Variants in RAB1A observed in about 807,000 individuals in gnomAD.
RAB1A encodes RAB1A, member RAS oncogene family.
In RAB1A, 2 loss-of-function variants were observed where a neutral mutation model predicts 26.0. The observed-to-expected ratio is 0.08, with a 90% CI of 0.03 to 0.24. The LOEUF (loss-of-function observed/expected upper bound fraction) is 0.24, where lower values mean the gene tolerates loss of function less well. Ranked by LOEUF, RAB1A falls within the 10% of genes least tolerant of loss-of-function variation. The pLI is 1.00. For synonymous variants in RAB1A, 84 were observed against 84.9 expected, an observed-to-expected ratio of 0.99 and a Z score of 0.06; for missense variants, 100 against 247.0, an observed-to-expected ratio of 0.40 and a Z score of 3.99.
chr2:65,100,678 G>A (rs1669403614), intron 2 of RAB1A, among the ~76,000 whole-genome samples: 1 of 148,322 alleles, frequency 6.7e-6, no homozygotes, highest in Admixed American at 6.9e-5. Context: ...AGAATCGCTT[G>A]AACCCATGAG....
chr2:65,104,888 A>G, intron 1 of RAB1A, 82 bp from the exon 2 acceptor site: 3 of 1,125,814 alleles, frequency 2.7e-6, no homozygotes, highest in Non-Finnish European at 4.1e-6. Context: ...ACACAGCTAC[A>G]AATAACAACT....
At chr2:65,093,692 G>C (rs1391942852) in intron 3 of RAB1A, among the ~76,000 whole-genome samples, 1 of 146,248 alleles carries the variant, frequency 6.8e-6, no homozygotes, top group Non-Finnish European at 1.5e-5. Context: ...GCGCAATCTT[G>C]GCTCACTGCA....
At chr2:65,105,227 A>G (rs1424729398) in intron 1 of RAB1A, among the ~76,000 whole-genome samples, 4 of 152,162 alleles carry the variant, frequency 2.6e-5, no homozygotes, top group Non-Finnish European at 5.9e-5. Flanking sequence ...AGATCAGGCC[A>G]GGCGCAGTGG....
chr2:65,088,376 G>GT lies in RAB1A; in HGVS notation c.*116_*117insA, dbSNP rs1313872835. ...CCATTTACAATCTCTGACCTTTGTG[G>GT]AGACGGTAAGAATCTGTTGTAGTGC... On this transcript the variant is annotated 3_prime_UTR_variant, in exon 6 of 6. Transcript: ENST00000409784. The GT allele has an allele frequency of 6.0e-6, 5 of 832,638 alleles. No individual in the cohort carries two copies. In the East Asian group the frequency reaches 1.4e-4, roughly 23 times the overall value. The allele number at this position is 832,638 out of a possible 1,614,324, so 51.6% of individuals were successfully genotyped here. A position where few individuals can be genotyped will look rare whatever the true frequency, so the allele number is the denominator to read the frequency against.
At chr2:65,118,014 T>C (rs1253994915) in intron 1 of RAB1A, among the ~76,000 whole-genome samples, 2 of 152,262 alleles carry the variant, frequency 1.3e-5, no homozygotes, top group Non-Finnish European at 1.5e-5. Context: ...TTAACTCTTC[T>C]CTGCCTCTGT....
In RAB1A at chr2:65,130,021, C is replaced by G; in HGVS notation, c.-106G>C. 7.8e-7 allele frequency: 1 copy of G among 1,276,564 alleles called. No individual in the cohort carries two copies. The highest frequency in any genetic ancestry group is 1.3e-5 in the South Asian group (1 of 78,520). The allele number at this position is 1,276,564 out of a possible 1,614,324, so 79.1% of individuals were successfully genotyped here. On this transcript the variant is annotated 5_prime_UTR_variant, in exon 1 of 6. Coordinates refer to ENST00000409784, the MANE Select transcript of RAB1A (RefSeq NM_004161.5). ...AAAGAAAGGAATGAGATAGGCTGTT[C>G]CGGGAGAGCAAACGTCTTCCCCTAC... is the stretch of plus-strand genomic sequence containing the variant.
chr2:65,119,705 TTAG>T (rs1488716513), intron 1 of RAB1A, among the ~76,000 whole-genome samples: 2 of 151,456 alleles, frequency 1.3e-5, no homozygotes, highest in African/African-American at 4.8e-5. Flanking sequence ...AACACTTGTG[TTAG>T]TAGAGAATAA....
rs1354149603 is a variant in RAB1A at position 65,087,819 on chromosome 2, GCT to G, written c.*672_*673del. ...ATGGCTGTGTTGAATATAATGCAAG[GCT>G]CTATTTCCCTTTAACCATAAGAATC... On this transcript the variant is annotated 3_prime_UTR_variant, in exon 6 of 6. Transcript: ENST00000409784. 2 of 152,668 alleles carry G rather than the reference GCT, an allele frequency of 1.3e-5. No homozygotes were observed. The highest frequency in any genetic ancestry group is 1.3e-4 in the Admixed American group (2 of 15,284). The allele number at this position is 152,668 out of a possible 1,614,324, so 9.5% of individuals were successfully genotyped here. A position where few individuals can be genotyped will look rare whatever the true frequency, so the allele number is the denominator to read the frequency against.
intron 1 of RAB1A, among the ~76,000 whole-genome samples, chr2:65,126,816 A>G (rs1254049452): frequency 6.6e-6 from 1 of 152,236 alleles, no homozygotes; most frequent in African/African-American, 2.4e-5. Context: ...TATTTGCGTG[A>G]TAAAACACTA....
At position 65,092,274 on chromosome 2, in the gene RAB1A, G is replaced by GA. The variant is rs1042989615; in HGVS notation, c.193-1197dup. Among the ~76,000 whole-genome samples, 752 of 130,080 alleles carry GA rather than the reference G, an allele frequency of 5.8e-3. 2 individuals carry two copies. The highest frequency in any genetic ancestry group is 9.4e-3 in the Admixed American group (122 of 12,928). 85.3% of individuals were successfully genotyped at this position (130,080 alleles called of 152,430 possible). On this transcript the variant is annotated intron_variant, in intron 3 of 5. Transcript: ENST00000409784. ...AGCCAGATCCTGTCTCAAAAAAAGA[G>GA]AAAAAAAAAAAAAGAGGCTCAAAGT...
At chr2:65,109,760 T>C (rs1038437043) in intron 1 of RAB1A, among the ~76,000 whole-genome samples, 2 of 152,110 alleles carry the variant, frequency 1.3e-5, no homozygotes, top group African/African-American at 4.8e-5. Flanking sequence ...AGATTTACAA[T>C]TGTCACCCTC....
intron 1 of RAB1A, among the ~76,000 whole-genome samples, chr2:65,109,841 T>C (rs533435322): frequency 6.6e-6 from 1 of 152,320 alleles, no homozygotes; most frequent in African/African-American, 2.4e-5. Flanking sequence ...GTAGTTCTAA[T>C]CTACTATAAC....
intron 1 of RAB1A, among the ~76,000 whole-genome samples, chr2:65,109,904 G>GT (rs1455889616): frequency 2.0e-5 from 3 of 151,930 alleles, no homozygotes; most frequent in Non-Finnish European, 4.4e-5. Context: ...CCACCCTTAC[G>GT]TTTGACATAG....
chr2:65,108,950 T>C (rs1040147554), intron 1 of RAB1A, among the ~76,000 whole-genome samples: 8 of 152,172 alleles, frequency 5.3e-5, no homozygotes, highest in African/African-American at 1.9e-4. Context: ...AACCATTTGT[T>C]TACTAACATG....
At chr2:65,118,456 A>T (rs1224901343) in intron 1 of RAB1A, among the ~76,000 whole-genome samples, 1 of 150,724 alleles carries the variant, frequency 6.6e-6, no homozygotes, top group Non-Finnish European at 1.5e-5. Context: ...GATGATAGAG[A>T]AAGGCTATTT....
At chr2:65,092,575 A>C (rs1669196121) in intron 3 of RAB1A, among the ~76,000 whole-genome samples, 1 of 152,238 alleles carries the variant, frequency 6.6e-6, no homozygotes, top group African/African-American at 2.4e-5. Flanking sequence ...TAGAAGGAAA[A>C]ATTGTTTTTT....
chr2:65,110,438 C>CA (rs1221473890), intron 1 of RAB1A, among the ~76,000 whole-genome samples: 69,607 of 109,878 alleles, frequency 0.63, 20,430 homozygotes, highest in Non-Finnish European at 0.69. Context: ...GAGACCGTCT[C>CA]AAAAAAAAAA....
intron 3 of RAB1A, among the ~76,000 whole-genome samples, chr2:65,092,986 T>G (rs991236798): frequency 6.6e-6 from 1 of 152,218 alleles, no homozygotes; most frequent in African/African-American, 2.4e-5. Context: ...CCTGCTTCCC[T>G]TTCTGCCACA....
At chr2:65,114,618 T>C (rs1027708252) in intron 1 of RAB1A, among the ~76,000 whole-genome samples, 1 of 148,824 alleles carries the variant, frequency 6.7e-6, no homozygotes, top group East Asian at 2.0e-4. Context: ...CCGAGGCGGG[T>C]GGATCATGAG....
Sources: gnomAD v4.1 joint callset for allele counts (sites outside exome capture counted in the v4.1 genomes callset) on GRCh38, gnomAD v4.1.1 for gene constraint, MANE v1.5 for transcripts, NCBI Gene and HGNC (gene_info 2026-07-23, HGNC 2026-07-21) for gene names.